GPD2: variants seen among roughly 807,000 people sequenced by gnomAD.
The protein encoded by GPD2 is glycerol-3-phosphate dehydrogenase, mitochondrial.
A neutral mutation model predicts 82.4 loss-of-function variants in GPD2; 54 were observed. That is an observed-to-expected ratio of 0.66 (90% CI 0.53 to 0.82). GPD2 has a LOEUF of 0.82. Among genes scored for constraint, GPD2 ranks in the 40% least tolerant of loss-of-function variants. The pLI is 0.00. For missense variants in GPD2, 748 were observed against 896.2 expected (o/e 0.83, Z 2.11); for synonymous variants, 288 against 306.1 (o/e 0.94, Z 0.62).
chr2:156,514,004 C>A (rs189577590), intron 6 of GPD2, among the ~76,000 whole-genome samples: 1 of 152,078 alleles, frequency 6.6e-6, no homozygotes, highest in Non-Finnish European at 1.5e-5. Flanking sequence ...ATTTATATGA[C>A]GAAGGTAGAT....
At chr2:156,452,993 G>T (rs1215151889) in intron 1 of GPD2, among the ~76,000 whole-genome samples, 1 of 152,168 alleles carries the variant, frequency 6.6e-6, no homozygotes, top group Non-Finnish European at 1.5e-5. Context: ...GTGTGGAGGG[G>T]TGAAACAGGT....
At chr2:156,480,764 A>ATC (rs1444049052) in intron 2 of GPD2, among the ~76,000 whole-genome samples, 4 of 147,634 alleles carry the variant, frequency 2.7e-5, no homozygotes, top group East Asian at 2.0e-4. Context: ...GAAAATCAAG[A>ATC]TCTCTCTCTC....
chr2:156,400,617 G>A, the GPD2 span, among the ~76,000 whole-genome samples: 1 of 152,198 alleles, frequency 6.6e-6, no homozygotes, highest in Non-Finnish European at 1.5e-5. Context: ...AATGCACAGT[G>A]GAAACAACTT....
upstream of GPD2, among the ~76,000 whole-genome samples, chr2:156,431,233 T>C (rs770272136): frequency 6.6e-6 from 1 of 152,202 alleles, no homozygotes; most frequent in Non-Finnish European, 1.5e-5. Flanking sequence ...GTCATTCTTA[T>C]GGGGAAGAAG....
Position 156,583,075 on chromosome 2 carries a change from C to T in GPD2, c.*157C>T. On this transcript the variant is annotated 3_prime_UTR_variant, in exon 17 of 17. Coordinates refer to ENST00000438166, the MANE Select transcript of GPD2 (RefSeq NM_000408.5). ...AAACTTTAAGGTGTTGGTGTATTTG[C>T]CAGCTTTATTTGCTGTACTTTATTT... 2 of 763,734 alleles carry T rather than the reference C, an allele frequency of 2.6e-6. No homozygotes were observed. The highest frequency in any genetic ancestry group is 4.5e-6 in the Non-Finnish European group (2 of 445,080). The allele number at this position is 763,734 out of a possible 1,614,324, so 47.3% of individuals were successfully genotyped here.
At chr2:156,576,102 G>C (rs1486484498) in intron 13 of GPD2, among the ~76,000 whole-genome samples, 2 of 152,190 alleles carry the variant, frequency 1.3e-5, no homozygotes, top group East Asian at 3.8e-4. Flanking sequence ...ATTTGACAAG[G>C]CTTAACAATA....
intron 13 of GPD2, among the ~76,000 whole-genome samples, chr2:156,571,589 C>T (rs1176922029): frequency 6.6e-6 from 1 of 152,124 alleles, no homozygotes; most frequent in Non-Finnish European, 1.5e-5. Context: ...TGAAAACACT[C>T]TTGGAACATA....
chr2:156,535,434 T>TGGGG (rs1553474568), intron 6 of GPD2, among the ~76,000 whole-genome samples: 39 of 61,290 alleles, frequency 6.4e-4, no homozygotes, highest in Non-Finnish European at 1.0e-3. Context: ...GAGAGGGGGG[T>TGGGG]GGGGAGAGAG....
At chr2:156,446,485 G>A (rs1026642992) in intron 1 of GPD2, among the ~76,000 whole-genome samples, 1 of 152,152 alleles carries the variant, frequency 6.6e-6, no homozygotes, top group Non-Finnish European at 1.5e-5. Context: ...AGCTGAAAGG[G>A]AGATTGGCAC....
chr2:156,512,468 AT>A (rs1685037473), intron 5 of GPD2, 151 bp downstream of exon 5: 1 of 664,626 alleles, frequency 1.5e-6, no homozygotes, highest in East Asian at 2.8e-5. Context: ...CCTTTGTTGT[AT>A]TTAAAAGTAT....
intron 6 of GPD2, among the ~76,000 whole-genome samples, chr2:156,521,507 A>G (rs1475807228): frequency 2.0e-5 from 3 of 152,194 alleles, no homozygotes; most frequent in African/African-American, 4.8e-5. Context: ...TTACTCCCGT[A>G]TTATTTTTGG....
chr2:156,502,343 T>C (rs1313077278), intron 3 of GPD2, among the ~76,000 whole-genome samples: 2 of 152,180 alleles, frequency 1.3e-5, no homozygotes, highest in Non-Finnish European at 2.9e-5. Context: ...TGGCAAAAGA[T>C]GTAAAAGCAA....
At chr2:156,407,359 T>C in the GPD2 span, among the ~76,000 whole-genome samples, 2 of 152,336 alleles carry the variant, frequency 1.3e-5, no homozygotes, top group East Asian at 3.9e-4. Context: ...AAATGGTACA[T>C]ACTATACATA....
At chr2:156,489,083 G>A (rs115571839) in intron 2 of GPD2, among the ~76,000 whole-genome samples, 2,451 of 152,224 alleles carry the variant, frequency 0.016, 23 homozygotes, top group Middle Eastern at 0.027. Flanking sequence ...AGCTGCAGTT[G>A]TTCCTGTCTT....
intron 6 of GPD2, among the ~76,000 whole-genome samples, chr2:156,529,131 TAACTGGTGTGAGATG>T (rs1236858689): frequency 6.7e-6 from 1 of 148,324 alleles, no homozygotes; most frequent in African/African-American, 2.5e-5. Flanking sequence ...ATTGCCATTC[TAACTGGTGTGAGATG>T]GTATCTCATT....
At chr2:156,545,290 G>C (rs1468249076) in intron 6 of GPD2, among the ~76,000 whole-genome samples, 1 of 152,174 alleles carries the variant, frequency 6.6e-6, no homozygotes, top group Admixed American at 6.5e-5. Context: ...GACCTCTAAG[G>C]GGGAGCTGCC....
At chr2:156,500,288 G>A (rs1259930767) in intron 3 of GPD2, among the ~76,000 whole-genome samples, 2 of 152,096 alleles carry the variant, frequency 1.3e-5, no homozygotes, top group South Asian at 2.1e-4. Context: ...TCTGGGAGTA[G>A]CATTTATAAT....
intron 12 of GPD2, among the ~76,000 whole-genome samples, chr2:156,570,602 T>G (rs1270448913): frequency 6.6e-6 from 1 of 152,132 alleles, no homozygotes; most frequent in African/African-American, 2.4e-5. Context: ...GCTCTCCAGT[T>G]TTGTGAAATC....
chr2:156,443,771 G>T (rs1682260603), intron 1 of GPD2, among the ~76,000 whole-genome samples: 1 of 152,136 alleles, frequency 6.6e-6, no homozygotes, highest in African/African-American at 2.4e-5. Context: ...CCTCTGTCAG[G>T]ACACCAGGGC....
Sources: allele counts gnomAD v4.1 joint callset (sites outside exome capture counted in the v4.1 genomes callset), GRCh38; gene constraint gnomAD v4.1.1; transcripts MANE v1.5; gene names NCBI Gene and HGNC (gene_info 2026-07-23, HGNC 2026-07-21).